The following RAB34 variants were observed in gnomAD, a reference collection of about 807,000 sequenced individuals.
RAB34 encodes the protein RAB34, member RAS oncogene family, also known as ras-related protein Rab-34.
A neutral mutation model predicts 39.0 loss-of-function variants in RAB34; 33 were observed. The ratio of observed to expected loss-of-function variants is 0.85; its 90% confidence interval spans 0.64 to 1.13. The LOEUF is 1.13. RAB34 is among the 50% of genes most tolerant of loss of function. RAB34 has a pLI of 0.00. For synonymous variants in RAB34, 135 were observed against 125.1 expected (o/e 1.08, Z -0.53); for missense variants, 289 against 326.1 (o/e 0.89, Z 0.88).
chr17:28,714,873 C>G lies in RAB34; in HGVS notation c.632G>C (p.Arg211Pro), dbSNP rs910197266. ...TGENVREFFF[R>P]VAALTFEANV... ...GGCCTCAAAGGTCAGTGCTGCCACACGGAAGAAGAATTCTCGGACATTCTC... is the reference window on the plus strand; with the variant it reads ...GGCCTCAAAGGTCAGTGCTGCCACAGGGAAGAAGAATTCTCGGACATTCTC... The change falls in exon 9 of 10, where the codon CGT (arginine) becomes CCT (proline). Residue 211 changes from arginine (R) to proline (P), a missense_variant. Transcript: ENST00000395245. 1 of 1,614,086 alleles carries G rather than the reference C, an allele frequency of 6.2e-7. No homozygotes were observed. Among genetic ancestry groups the G allele is most frequent in the South Asian group, 1.1e-5 (1 of 91,088 alleles).
intron 6 of RAB34, 59 bp downstream of exon 6, chr17:28,715,397 C>T: frequency 6.2e-7 from 1 of 1,607,946 alleles, no homozygotes; most frequent in Non-Finnish European, 8.5e-7. Context: ...CTGACCACCC[C>T]TCTGTTCTGA....
Position 28,714,835 on chromosome 17 carries a change from C to G in RAB34, c.670G>C (p.Glu224Gln), listed in dbSNP as rs749597197. The change falls in exon 9 of 10, where the codon GAG becomes CAG. Residue 224 changes from glutamate (E) to glutamine (Q), a missense_variant. Physicochemically the swap from Glu to Gln is conservative, Grantham distance 29 (BLOSUM62 2). Transcript: ENST00000395245. ...ALTFEANVLA[E>Q]LEKSGARRIG... ...CGTCGAGCCCCCGATTTCTCCAGCT[C>G]AGCCAGCACATTGGCCTCAAAGGTC... The G allele has an allele frequency of 1.2e-6, 2 of 1,614,168 alleles. No individual in the cohort carries two copies. Among genetic ancestry groups the G allele is most frequent in the Non-Finnish European group, 1.7e-6 (2 of 1,180,042 alleles).
At position 28,717,574 on chromosome 17, in the gene RAB34, G is replaced by A. The variant is rs933008637; in HGVS notation, c.-308C>T. 7.0e-6 allele frequency: 10 copies of A among 1,418,978 alleles called. No homozygotes were observed. Among genetic ancestry groups the A allele is most frequent in the African/African-American group, 1.5e-5 (1 of 67,484 alleles). The allele number at this position is 1,418,978 out of a possible 1,614,324, so 87.9% of individuals were successfully genotyped here. A position where few individuals can be genotyped will look rare whatever the true frequency, so the allele number is the denominator to read the frequency against. On this transcript the variant is annotated 5_prime_UTR_variant, in exon 1 of 10. Coordinates refer to ENST00000395245, the MANE Select transcript of RAB34 (RefSeq NM_031934.6). ...GGGGGCGGGGAGTCCCGTCTGGTGGGGGCCGGGCCCGCGCAGACCCTACGA... is the reference window on the plus strand; with the variant it reads ...GGGGGCGGGGAGTCCCGTCTGGTGGAGGCCGGGCCCGCGCAGACCCTACGA...
In RAB34 at chr17:28,717,660, G is replaced by A; in HGVS notation, c.-394C>T. On this transcript the variant is annotated 5_prime_UTR_variant, in exon 1 of 10. Coordinates refer to ENST00000395245, the MANE Select transcript of RAB34 (RefSeq NM_031934.6). The stretch of plus-strand genomic sequence containing the variant: ...GGCCGGATGGTTCCTACAATAACCC[G>A]GGGCCGCGGAGACCCGACGTCATCT... The A allele has an allele frequency of 7.3e-7, 1 of 1,365,892 alleles. No individual in the cohort carries two copies. The highest frequency in any genetic ancestry group is 9.4e-7 in the Non-Finnish European group (1 of 1,064,702). 84.6% of individuals were successfully genotyped at this position (1,365,892 alleles called of 1,614,324 possible).
chr17:28,714,492 C>A lies in RAB34; in HGVS notation c.*151G>T. 6.4e-7 allele frequency: 1 copy of A among 1,552,808 alleles called. No individual in the cohort carries two copies. The highest frequency in any genetic ancestry group is 1.1e-5 in the South Asian group (1 of 89,448). On this transcript the variant is annotated 3_prime_UTR_variant, in exon 10 of 10. Transcript: ENST00000395245. ...GGGGGCAGGAAGTGACTAGCATGAT[C>A]CCAGCTACCCCTCTGTGGGAATACT...
chr17:28,714,499 AC>A lies in RAB34; in HGVS notation c.*143del, dbSNP rs2032994567. ...GGAAGTGACTAGCATGATCCCAGCT[AC>A]CCCTCTGTGGGAATACTGCCACCAA... On this transcript the variant is annotated 3_prime_UTR_variant, in exon 10 of 10. Coordinates refer to ENST00000395245, the MANE Select transcript of RAB34 (RefSeq NM_031934.6). The A allele has an allele frequency of 1.3e-6, 2 of 1,566,098 alleles. No individual in the cohort carries two copies. The highest frequency in any genetic ancestry group is 2.7e-5 in the African/African-American group (2 of 73,964).
In RAB34 at chr17:28,716,905, C is replaced by T. The variant is rs749739135; in HGVS notation, c.144G>A (p.Val48=). 5.6e-6 allele frequency: 9 copies of T among 1,612,028 alleles called. No homozygotes were observed. Among genetic ancestry groups the T allele is most frequent in the Admixed American group, 1.7e-5 (1 of 59,938 alleles). ...TGTTGTGGGTGTCCCTAACTCACCC[C>T]ACGGTGCCTGTCCGGTGCTCCTGGC... ...CACQEHRTGT[V]GFKISKVIVV... Residue 48 remains valine (V), a splice_region_variant and synonymous_variant, in exon 2 of 10, where the codon GTG becomes GTA. Coordinates refer to ENST00000395245, the MANE Select transcript of RAB34 (RefSeq NM_031934.6).
Position 28,715,256 on chromosome 17 carries a change from AG to A in RAB34, c.451del (p.Leu151Ter), listed in dbSNP as rs748519630. 23 of 1,613,434 alleles carry A rather than the reference AG, an allele frequency of 1.4e-5. No individual in the cohort carries two copies. The highest frequency in any genetic ancestry group is 1.9e-5 in the Non-Finnish European group (22 of 1,179,908). On this transcript the variant is annotated frameshift_variant, in exon 7 of 10. Coordinates refer to ENST00000395245, the MANE Select transcript of RAB34 (RefSeq NM_031934.6). LOFTEE classifies it high-confidence loss of function. ...EHTKQWLADA[L>X]KENDPSSVLL... Reference sequence around the variant, plus strand: ...CACACTGGAAGGGTCATTCTCCTTCAGGGCATCGGCCAGCCACTGCCTGCCA... The same window carrying A: ...CACACTGGAAGGGTCATTCTCCTTCAGGCATCGGCCAGCCACTGCCTGCCA...
rs2151711403 is a variant in RAB34, at chr17:28,717,340, A to T, written c.-74T>A. 2 of 1,538,102 alleles carry T rather than the reference A, an allele frequency of 1.3e-6. No homozygotes were observed. Among genetic ancestry groups the T allele is most frequent in the East Asian group, 4.9e-5 (2 of 40,768 alleles). On this transcript the variant is annotated 5_prime_UTR_variant, in exon 1 of 10. Transcript: ENST00000395245. ...CCGCGTCAGCGACCCGGGCGCGTGG[A>T]GACCCGACGATCACCCGCGGCCGGG... is the stretch of plus-strand genomic sequence containing the variant.
rs754805550 is a variant in RAB34 at position 28,714,619 on chromosome 17, G to C, written c.*24C>G. ...TGGCACAGTGCCCTAGGGCTGGGCAGTCTCTGAACAGTCTCCTCAGCCCTC... is the reference window on the plus strand; with the variant it reads ...TGGCACAGTGCCCTAGGGCTGGGCACTCTCTGAACAGTCTCCTCAGCCCTC... On this transcript the variant is annotated 3_prime_UTR_variant, in exon 10 of 10. Coordinates refer to ENST00000395245, the MANE Select transcript of RAB34 (RefSeq NM_031934.6). The C allele has an allele frequency of 6.2e-7, 1 of 1,614,138 alleles. No homozygotes were observed. Among genetic ancestry groups the C allele is most frequent in the Non-Finnish European group, 8.5e-7 (1 of 1,180,026 alleles).
chr17:28,718,254 G>A (rs1270192828), upstream of RAB34: 1 of 1,559,856 alleles, frequency 6.4e-7, no homozygotes, highest in South Asian at 1.2e-5. Flanking sequence ...CTCCAGGCCT[G>A]GGAGGTGACT....
Position 28,715,717 on chromosome 17 carries a change from GAAGA to G in RAB34, c.315-16_315-13del, listed in dbSNP as rs763943829. ...CAGCGGTATCCCAACTGGAAGGAAGGAAGAGTGAAGCACAGGTATGTATCTTGGG... is the reference window on the plus strand; with the variant it reads ...CAGCGGTATCCCAACTGGAAGGAAGGGTGAAGCACAGGTATGTATCTTGGG... On this transcript the variant is annotated splice_polypyrimidine_tract_variant and intron_variant, in intron 4 of 9. Transcript: ENST00000395245. The G allele has an allele frequency of 6.8e-6, 11 of 1,614,094 alleles. No individual in the cohort carries two copies. Among genetic ancestry groups the G allele is most frequent in the African/African-American group, 1.3e-5 (1 of 75,014 alleles).
chr17:28,718,374 G>T, upstream of RAB34: 1 of 887,458 alleles, frequency 1.1e-6, no homozygotes, highest in South Asian at 1.6e-5. Flanking sequence ...GCCCACCGAG[G>T]AGAGAGACGT....
rs776203692 is a variant in RAB34, at chr17:28,714,883, A to T, written c.622T>A (p.Phe208Ile). Residue 208 changes from phenylalanine (F) to isoleucine (I), a missense_variant, in exon 9 of 10, where the codon TTC (phenylalanine) becomes ATC (isoleucine). By Grantham distance (21) the Phe-to-Ile change is conservative. Coordinates refer to ENST00000395245, the MANE Select transcript of RAB34 (RefSeq NM_031934.6). ...SSLTGENVRE[F>I]FFRVAALTFE... ...GTCAGTGCTGCCACACGGAAGAAGA[A>T]TTCTCGGACATTCTCACCTGACACA... 1.2e-6 allele frequency: 2 copies of T among 1,613,956 alleles called. No individual in the cohort carries two copies. Among genetic ancestry groups the T allele is most frequent in the Non-Finnish European group, 1.7e-6 (2 of 1,180,008 alleles).
chr17:28,715,939 C>T (rs747625529), intron 3 of RAB34, 38 bp from the exon 4 acceptor site: 1 of 1,611,316 alleles, frequency 6.2e-7, no homozygotes, highest in South Asian at 1.1e-5. Context: ...GGAGCCAGCC[C>T]ACCTGGCTAG....
chr17:28,714,923 G>A (rs1239191404), intron 8 of RAB34, 23 bp from the exon 9 acceptor site: 2 of 1,608,718 alleles, frequency 1.2e-6, no homozygotes, highest in Non-Finnish European at 1.7e-6. Flanking sequence ...GCAGATAGGT[G>A]CTCAGGGGCA....
At position 28,717,301 on chromosome 17, in the gene RAB34, C is replaced by A. The variant is rs199826376; in HGVS notation, c.-35G>T. 1 of 1,566,344 alleles carries A rather than the reference C, an allele frequency of 6.4e-7. No individual in the cohort carries two copies. The highest frequency in any genetic ancestry group is 1.8e-5 in the Admixed American group (1 of 55,128). On this transcript the variant is annotated 5_prime_UTR_variant, in exon 1 of 10. Transcript: ENST00000395245. ...GGCCTTGCAGGGCGCCCTGAGAAGG[C>A]GCCGAGGCCGGATCCGCGTCAGCGA...
Position 28,714,866 on chromosome 17 carries a change from T to C in RAB34, c.639A>G (p.Ala213=), listed in dbSNP as rs2033062562. 1.2e-6 allele frequency: 2 copies of C among 1,614,134 alleles called. No homozygotes were observed. Among genetic ancestry groups the C allele is most frequent in the Non-Finnish European group, 1.7e-6 (2 of 1,180,034 alleles). Residue 213 remains alanine (A), a synonymous_variant, in exon 9 of 10, where the codon GCA becomes GCG. Transcript: ENST00000395245. ...GCACATTGGCCTCAAAGGTCAGTGC[T>C]GCCACACGGAAGAAGAATTCTCGGA... The part of the protein sequence containing the change: ...ENVREFFFRV[A]ALTFEANVLA...
rs757465924 is a variant in RAB34 at position 28,714,814 on chromosome 17, G to A, written c.691C>T (p.Arg231Ter). Residue 231 changes from arginine to a stop codon, truncating the protein, a stop_gained, in exon 9 of 10, where the codon CGA (arginine) becomes TGA (stop). Transcript: ENST00000395245. LOFTEE classifies it high-confidence loss of function. ...VLAELEKSGARRIGDVVRINS... is the reference protein window; with the variant it reads ...VLAELEKSGA ...TCACGGACAACATCCCCAATGCGTC[G>A]AGCCCCCGATTTCTCCAGCTCAGCC... is the stretch of plus-strand genomic sequence containing the variant. 1.7e-5 allele frequency: 27 copies of A among 1,613,986 alleles called. No individual in the cohort carries two copies. In the East Asian group the frequency reaches 2.5e-4, roughly 15 times the overall value.
Sources: gnomAD v4.1 joint callset for allele counts on GRCh38, gnomAD v4.1.1 for gene constraint, MANE v1.5 for transcripts, NCBI Gene and HGNC (gene_info 2026-07-23, HGNC 2026-07-21) for gene names.